Variants in NOX3 observed in about 807,000 individuals in gnomAD.
NOX3 encodes the protein NADPH oxidase catalytic subunit-like 3.
NOX3 carries 74 observed loss-of-function variants against 76.7 expected under a neutral mutation model. The observed-to-expected ratio is 0.96, with a 90% CI of 0.80 to 1.17. NOX3 has a LOEUF of 1.17. Among genes scored for constraint, NOX3 ranks in the 50% most tolerant of loss-of-function variants. The pLI is 0.00. For synonymous variants in NOX3, 263 were observed against 261.1 expected (o/e 1.01, Z -0.07); for missense variants, 695 against 703.3 (o/e 0.99, Z 0.13).
chr6:155,451,905 G>A (rs946176548), intron 4 of NOX3, among the ~76,000 whole-genome samples: 1 of 152,152 alleles, frequency 6.6e-6, no homozygotes, highest in Admixed American at 6.5e-5. Context: ...TGGGATTATA[G>A]GCGTAAACCA....
intron 9 of NOX3, among the ~76,000 whole-genome samples, chr6:155,426,471 G>A (rs1328058183): frequency 1.3e-5 from 2 of 152,186 alleles, no homozygotes; most frequent in African/African-American, 4.8e-5. Flanking sequence ...GCATCATGGC[G>A]ATTGAGTGAC....
intron 11 of NOX3, among the ~76,000 whole-genome samples, chr6:155,409,689 A>G (rs1176032864): frequency 6.6e-6 from 1 of 152,212 alleles, no homozygotes; most frequent in Non-Finnish European, 1.5e-5. Context: ...GACAGAATGC[A>G]CCAATTATTT....
At chr6:155,428,586 CTTTTTTTTT>C (rs35328292) in intron 9 of NOX3, among the ~76,000 whole-genome samples, 199 bp downstream of exon 9, 3 of 138,434 alleles carry the variant, frequency 2.2e-5, no homozygotes, top group African/African-American at 7.9e-5. Context: ...GTCTTTTTTT[CTTTTTTTTT>C]TTTTTTTTTT....
chr6:155,448,062 T>C (rs1329806415), intron 4 of NOX3, among the ~76,000 whole-genome samples: 1 of 152,200 alleles, frequency 6.6e-6, no homozygotes, highest in Admixed American at 6.5e-5. Context: ...TTTCATGTTA[T>C]TAGATTTGAT....
In NOX3 at chr6:155,445,887, C is replaced by CTA. The variant is rs200404134; in HGVS notation, c.341-2471_341-2470dup. ...ACATATACATATATATATATATATG[C>CTA]TATATATATATATTATATATATGCT... On this transcript the variant is annotated intron_variant, in intron 4 of 13. Transcript: ENST00000159060. Among the ~76,000 whole-genome samples the CTA allele has an allele frequency of 3.1e-3, 374 of 120,148 alleles. 3 individuals carry two copies. The highest frequency in any genetic ancestry group is 5.7e-3 in the Admixed American group (64 of 11,134). The allele number at this position is 120,148 out of a possible 152,430, so 78.8% of individuals were successfully genotyped here.
intron 10 of NOX3, among the ~76,000 whole-genome samples, chr6:155,414,085 C>G (rs147766423): frequency 9.7e-4 from 148 of 152,234 alleles, no homozygotes; most frequent in Admixed American, 3.0e-3. Context: ...GTGTGTTTTT[C>G]CCTCCGTAAT....
At chr6:155,401,513 C>T (rs1582924550) in intron 12 of NOX3, among the ~76,000 whole-genome samples, 1 of 152,132 alleles carries the variant, frequency 6.6e-6, no homozygotes, top group Non-Finnish European at 1.5e-5. Context: ...ACATTTTGCA[C>T]ATATGCACAT....
chr6:155,397,559 T>G (rs983982401), intron 12 of NOX3, among the ~76,000 whole-genome samples: 2 of 152,222 alleles, frequency 1.3e-5, no homozygotes, highest in African/African-American at 4.8e-5. Context: ...AATGAATGAC[T>G]AAATGGCTTT....
chr6:155,453,393 T>C lies in NOX3; in HGVS notation c.340+11A>G, dbSNP rs760561508. On this transcript the variant is annotated intron_variant, in intron 4 of 13. Coordinates refer to ENST00000159060, the MANE Select transcript of NOX3 (RefSeq NM_015718.3). ...ATTGTAAAATCCATTGAGCAATTAA[T>C]AAGTACTTACTTGCATTAACAGCTA... is the stretch of plus-strand genomic sequence containing the variant. The C allele has an allele frequency of 1.0e-5, 16 of 1,587,382 alleles. No homozygotes were observed. The African/African-American group carries it at 1.9e-4, about 19-fold the overall frequency.
chr6:155,444,107 C>T (rs1777030487), intron 4 of NOX3, among the ~76,000 whole-genome samples: 1 of 152,178 alleles, frequency 6.6e-6, no homozygotes, highest in Non-Finnish European at 1.5e-5. Flanking sequence ...TTTTTGTTCT[C>T]TTTCAGCCAC....
At chr6:155,435,350 T>C (rs1776887377) in intron 7 of NOX3, among the ~76,000 whole-genome samples, 1 of 152,118 alleles carries the variant, frequency 6.6e-6, no homozygotes, top group Admixed American at 6.5e-5. Flanking sequence ...TCCTCATTAA[T>C]ATGCAGGTTG....
intron 10 of NOX3, among the ~76,000 whole-genome samples, chr6:155,421,096 G>A (rs953393280): frequency 7.9e-5 from 12 of 152,288 alleles, no homozygotes; most frequent in Admixed American, 3.9e-4. Context: ...TCTATGAGCA[G>A]GAATCCCACC....
intron 7 of NOX3, among the ~76,000 whole-genome samples, chr6:155,435,341 C>A (rs1776887294): frequency 6.6e-6 from 1 of 151,946 alleles, no homozygotes; most frequent in South Asian, 2.1e-4. Context: ...TATTCATGTT[C>A]CTCATTAATA....
chr6:155,410,123 G>C (rs1776521695), intron 11 of NOX3, among the ~76,000 whole-genome samples: 1 of 152,182 alleles, frequency 6.6e-6, no homozygotes, highest in Non-Finnish European at 1.5e-5. Context: ...AATTCATTAA[G>C]ATGTTTCAAG....
intron 9 of NOX3, among the ~76,000 whole-genome samples, chr6:155,425,861 G>A (rs1017202261): frequency 1.3e-5 from 2 of 152,194 alleles, no homozygotes; most frequent in African/African-American, 4.8e-5. Context: ...CCTTCAGAAG[G>A]TCTAGTCTTT....
chr6:155,396,358 T>C (rs1582921643), intron 13 of NOX3, among the ~76,000 whole-genome samples: 2 of 152,112 alleles, frequency 1.3e-5, no homozygotes, highest in Admixed American at 6.5e-5. Flanking sequence ...ATCAGGGAAA[T>C]GAAAATTTGA....
chr6:155,448,386 G>A (rs188558506), intron 4 of NOX3, among the ~76,000 whole-genome samples: 8 of 152,112 alleles, frequency 5.3e-5, no homozygotes, highest in Non-Finnish European at 1.2e-4. Flanking sequence ...GCTATGCGGG[G>A]GAGCTCTTCC....
Position 155,444,720 on chromosome 6 carries a change from A to G in NOX3, c.341-1302T>C, listed in dbSNP as rs76083446. ...GCTTATTTATGATGAAAAAAGCATT[A>G]CATTTGTGGGTGGAAGACATGAAAA... On this transcript the variant is annotated intron_variant, in intron 4 of 13. Coordinates refer to ENST00000159060, the MANE Select transcript of NOX3 (RefSeq NM_015718.3). 2.7e-3 allele frequency among the ~76,000 whole-genome samples: 414 copies of G among 152,318 alleles called. 2 individuals are homozygous for G. Among genetic ancestry groups the G allele is most frequent in the African/African-American group, 9.3e-3 (388 of 41,580 alleles).
chr6:155,442,705 G>A (rs1366298718), intron 5 of NOX3, among the ~76,000 whole-genome samples: 2 of 152,224 alleles, frequency 1.3e-5, no homozygotes, highest in Admixed American at 6.5e-5. Flanking sequence ...CATAGCTGCT[G>A]ACAGTCTGTG....
Sources: gnomAD v4.1 joint callset for allele counts (sites outside exome capture counted in the v4.1 genomes callset) on GRCh38, gnomAD v4.1.1 for gene constraint, MANE v1.5 for transcripts, NCBI Gene and HGNC (gene_info 2026-07-23, HGNC 2026-07-21) for gene names.